COL23A1: variants seen among roughly 807,000 people sequenced by gnomAD.
COL23A1 encodes the protein collagen alpha-1(XXIII) chain.
A neutral mutation model predicts 99.3 loss-of-function variants in COL23A1; 97 were observed. That is an observed-to-expected ratio of 0.98 (90% CI 0.83 to 1.16). The LOEUF is 1.16. Among genes scored for constraint, COL23A1 ranks in the 50% most tolerant of loss-of-function variants. The probability of loss-of-function intolerance (pLI) is 0.00; values close to 1 mark genes in which losing one functional copy is unlikely to be tolerated. For missense variants in COL23A1, 762 were observed against 757.4 expected (o/e 1.01, Z -0.07); for synonymous variants, 320 against 308.2 (o/e 1.04, Z -0.40).
chr5:178,545,716 G>A (rs1761544009), intron 2 of COL23A1, among the ~76,000 whole-genome samples: 1 of 152,006 alleles, frequency 6.6e-6, no homozygotes. Flanking sequence ...TTTTCCACAG[G>A]GCAGCCACAG....
intron 2 of COL23A1, among the ~76,000 whole-genome samples, chr5:178,392,217 C>T (rs1212547801): frequency 6.6e-6 from 1 of 151,122 alleles, no homozygotes; most frequent in Admixed American, 6.6e-5. Context: ...GACTTCTGCA[C>T]TTTACATGGG....
chr5:178,416,144 G>C (rs946703993), intron 2 of COL23A1, among the ~76,000 whole-genome samples: 1 of 152,170 alleles, frequency 6.6e-6, no homozygotes, highest in African/African-American at 2.4e-5. Context: ...GTGACCTACT[G>C]TTGCCAGGGA....
chr5:178,505,586 T>C (rs140225318), intron 2 of COL23A1, among the ~76,000 whole-genome samples: 74 of 152,238 alleles, frequency 4.9e-4, no homozygotes, highest in African/African-American at 1.7e-3. Context: ...ACGGTTATAT[T>C]GGATTAGGGC....
chr5:178,378,284 G>A (rs1435635412), intron 2 of COL23A1: 2 of 152,154 alleles, frequency 1.3e-5, no homozygotes, highest in African/African-American at 4.8e-5. Flanking sequence ...CAGAGCCCTG[G>A]GAAAATGCAC....
At chr5:178,332,203 G>A (rs1404116724) in intron 2 of COL23A1, among the ~76,000 whole-genome samples, 1 of 152,132 alleles carries the variant, frequency 6.6e-6, no homozygotes, top group Admixed American at 6.5e-5. Context: ...GCAGCTTTTG[G>A]TCACCCTCTC....
intron 2 of COL23A1, among the ~76,000 whole-genome samples, chr5:178,420,219 T>A (rs927776507): frequency 2.6e-5 from 4 of 152,134 alleles, no homozygotes; most frequent in Non-Finnish European, 5.9e-5. Context: ...ACTTTCCTCT[T>A]CTATGAAATG....
At chr5:178,461,842 T>C (rs1581433150) in intron 2 of COL23A1, among the ~76,000 whole-genome samples, 1 of 152,196 alleles carries the variant, frequency 6.6e-6, no homozygotes, top group Non-Finnish European at 1.5e-5. Flanking sequence ...AGCAATGGCA[T>C]GTTGGAGGAA....
At chr5:178,562,202 A>G (rs1445514437) in intron 1 of COL23A1, 1 of 411,638 alleles carries the variant, frequency 2.4e-6, no homozygotes, top group South Asian at 1.8e-5. Flanking sequence ...AGATCGCGAC[A>G]CCGCACTCCA....
At chr5:178,508,480 T>C (rs532878477) in intron 2 of COL23A1, among the ~76,000 whole-genome samples, 18 of 152,330 alleles carry the variant, frequency 1.2e-4, no homozygotes, top group Admixed American at 9.8e-4. Flanking sequence ...TCTTGTTTAA[T>C]CTATCTTAGC....
intron 2 of COL23A1, among the ~76,000 whole-genome samples, chr5:178,519,776 T>TTGAA (rs572453366): frequency 6.6e-6 from 1 of 152,122 alleles, no homozygotes; most frequent in South Asian, 2.1e-4. Context: ...TGGTTATTGG[T>TTGAA]TGAATGAATG....
intron 2 of COL23A1, among the ~76,000 whole-genome samples, chr5:178,351,379 G>C (rs2913808): frequency 1 from 151,916 of 152,326 alleles, 75,755 homozygotes; most frequent in Middle Eastern, 1. Flanking sequence ...AGCAATAACG[G>C]GTGTGCACAG....
At chr5:178,349,043 C>T (rs1283221552) in intron 2 of COL23A1, among the ~76,000 whole-genome samples, 4 of 152,110 alleles carry the variant, frequency 2.6e-5, no homozygotes, top group East Asian at 1.9e-4. Flanking sequence ...TGTCTTCCTG[C>T]GTCTTGCCGG....
chr5:178,465,060 G>C (rs549851009), intron 2 of COL23A1, among the ~76,000 whole-genome samples: 12 of 152,300 alleles, frequency 7.9e-5, no homozygotes, highest in Non-Finnish European at 1.3e-4. Flanking sequence ...TAGTTCACTT[G>C]ATTTAAAAAT....
intron 2 of COL23A1, among the ~76,000 whole-genome samples, chr5:178,459,364 A>G (rs945528975): frequency 6.6e-6 from 1 of 152,354 alleles, no homozygotes; most frequent in South Asian, 2.1e-4. Context: ...AGATGTTTAC[A>G]TATGAAACAA....
intron 1 of COL23A1, among the ~76,000 whole-genome samples, chr5:178,578,251 GTGCACACACACCCA>G (rs921194373): frequency 1.3e-5 from 2 of 151,448 alleles, no homozygotes; most frequent in African/African-American, 4.9e-5. Context: ...TGGCACACAC[GTGCACACACACCCA>G]TGTACACACA....
At chr5:178,249,347 G>A in intron 18 of COL23A1, 141 bp from the exon 19 acceptor site, 1 of 802,888 alleles carries the variant, frequency 1.2e-6, no homozygotes, top group South Asian at 1.5e-5. Context: ...GTGGCTGGGA[G>A]CCTCACCCGG....
chr5:178,327,809 G>A (rs1054202989), intron 2 of COL23A1, among the ~76,000 whole-genome samples: 1 of 152,196 alleles, frequency 6.6e-6, no homozygotes, highest in East Asian at 1.9e-4. Context: ...ACCTAGGTCC[G>A]ACTATTTGGG....
chr5:178,450,412 G>C (rs1479176324), intron 2 of COL23A1, among the ~76,000 whole-genome samples: 1 of 152,134 alleles, frequency 6.6e-6, no homozygotes, highest in Non-Finnish European at 1.5e-5. Flanking sequence ...TTCCTTTCTT[G>C]CTTCCTGCAG....
chr5:178,498,834 A>T (rs1478096395), intron 2 of COL23A1, among the ~76,000 whole-genome samples: 1 of 152,150 alleles, frequency 6.6e-6, no homozygotes, highest in Admixed American at 6.5e-5. Context: ...TCACACCTGT[A>T]ATTCCAGCAC....
Sources: gnomAD v4.1 joint callset for allele counts (sites outside exome capture counted in the v4.1 genomes callset) on GRCh38, gnomAD v4.1.1 for gene constraint, MANE v1.5 for transcripts, NCBI Gene and HGNC (gene_info 2026-07-23, HGNC 2026-07-21) for gene names.